Variants in ZNF480 observed in about 807,000 individuals in gnomAD.
The protein encoded by ZNF480 is zinc finger protein 480.
In ZNF480, 15 loss-of-function variants were observed where a neutral mutation model predicts 14.4. That is an observed-to-expected ratio of 1.04 (90% CI 0.70 to 1.60). ZNF480 has a LOEUF of 1.60. ZNF480 is among the 40% of genes most tolerant of loss of function. The pLI, the probability that ZNF480 is intolerant of heterozygous loss-of-function variation, is 0.00. For synonymous variants in ZNF480, 218 were observed against 215.5 expected (o/e 1.01, Z -0.10); for missense variants, 593 against 629.7 (o/e 0.94, Z 0.62).
chr19:52,313,539 T>C (rs1297050638), intron 2 of ZNF480, among the ~76,000 whole-genome samples: 1 of 152,070 alleles, frequency 6.6e-6, no homozygotes, highest in Admixed American at 6.6e-5. Flanking sequence ...TCAGATCAGG[T>C]AGATACTGAA....
chr19:52,304,927 TCTCTACTA>T (rs1982857655), intron 2 of ZNF480, among the ~76,000 whole-genome samples: 1 of 151,812 alleles, frequency 6.6e-6, no homozygotes. Flanking sequence ...TGAAACCCCG[TCTCTACTA>T]AAAATACAAA....
chr19:52,308,249 A>T (rs926652289), intron 2 of ZNF480, among the ~76,000 whole-genome samples: 2 of 151,572 alleles, frequency 1.3e-5, no homozygotes, highest in South Asian at 2.1e-4. Context: ...ACAAGCACCT[A>T]GTAAATTCTA....
chr19:52,322,213 T>C lies in ZNF480; in HGVS notation c.963T>C (p.Gly321=). Residue 321 remains glycine, a synonymous_variant, in exon 5 of 5, where the codon GGT becomes GGC. Coordinates refer to ENST00000595962, the MANE Select transcript of ZNF480 (RefSeq NM_144684.4). ...AACCTTACAAATGTAATGAATGTGG[T>C]AAAGGCTTCAGTCATAAGTCATCTC... is the stretch of plus-strand genomic sequence containing the variant. The part of the protein sequence containing the change: ...EEKPYKCNEC[G]KGFSHKSSLA... 6.2e-7 allele frequency: 1 copy of C among 1,613,886 alleles called. No individual in the cohort carries two copies. Among genetic ancestry groups the C allele is most frequent in the Non-Finnish European group, 8.5e-7 (1 of 1,179,958 alleles).
chr19:52,322,786 A>T lies in ZNF480; in HGVS notation c.1536A>T (p.Lys512Asn). 1 of 1,612,800 alleles carries T rather than the reference A, an allele frequency of 6.2e-7. No individual in the cohort carries two copies. The highest frequency in any genetic ancestry group is 8.5e-7 in the Non-Finnish European group (1 of 1,178,988). Residue 512 changes from lysine (K) to asparagine (N), a missense_variant, in exon 5 of 5, where the codon AAA becomes AAT. By Grantham distance (94) the Lys-to-Asn change is moderately conservative (BLOSUM62 0). Transcript: ENST00000595962. ...TTCATACTGGAGAGAAACCTTACAA[A>T]TGTAATGAGTGTGGCAAGGCCTTTA... ...RKIHTGEKPY[K>N]CNECGKAFSR...
rs60910720 is a variant in ZNF480, at chr19:52,310,844, CA to C, written c.73-3298del. 2.9e-3 allele frequency among the ~76,000 whole-genome samples: 414 copies of C among 142,136 alleles called. 1 individual carries two copies. Among genetic ancestry groups the C allele is most frequent in the Middle Eastern group, 3.6e-3 (1 of 274 alleles). The allele number at this position is 142,136 out of a possible 152,430, so 93.2% of individuals were successfully genotyped here. On this transcript the variant is annotated intron_variant, in intron 2 of 4. Coordinates refer to ENST00000595962, the MANE Select transcript of ZNF480 (RefSeq NM_144684.4). The stretch of plus-strand genomic sequence containing the variant: ...TGAAACCCTGTCTCTACTAAAAATA[CA>C]AAAAAAAAAATTAGCCGGGCATGGT...
chr19:52,313,788 G>T, intron 2 of ZNF480: 1 of 444,334 alleles, frequency 2.3e-6, no homozygotes, highest in Admixed American at 2.4e-5. Context: ...AGACCAGCCT[G>T]GCCAACGTGG....
intron 2 of ZNF480, among the ~76,000 whole-genome samples, chr19:52,304,955 CG>C (rs1982859499): frequency 6.6e-6 from 1 of 151,804 alleles, no homozygotes; most frequent in African/African-American, 2.4e-5. Context: ...AAAAATTAGC[CG>C]GGCATGGTGG....
Position 52,314,246 on chromosome 19 carries a change from A to G in ZNF480, c.166A>G (p.Met56Val), listed in dbSNP as rs149239088. The G allele has an allele frequency of 2.5e-5, 39 of 1,576,290 alleles. No homozygotes were observed. The African/African-American group carries it at 5.2e-4, about 21-fold the overall frequency. ...PAQRALYKDV[M>V]LENYRNLVSL... ...ACAGAGGGCTTTATACAAGGATGTGATGTTGGAGAACTACAGGAACCTGGT... is the reference window on the plus strand; with the variant it reads ...ACAGAGGGCTTTATACAAGGATGTGGTGTTGGAGAACTACAGGAACCTGGT... The change falls in exon 3 of 5, where the codon ATG becomes GTG. Residue 56 changes from methionine (M) to valine (V), a missense_variant. By Grantham distance (21) the Met-to-Val change is conservative. Transcript: ENST00000595962.
rs199930690 is a variant in ZNF480, at chr19:52,322,218, G to T, written c.968G>T (p.Gly323Val). 1 of 1,613,538 alleles carries T rather than the reference G, an allele frequency of 6.2e-7. No individual in the cohort carries two copies. Among genetic ancestry groups the T allele is most frequent in the East Asian group, 2.2e-5 (1 of 44,784 alleles). ...TACAAATGTAATGAATGTGGTAAAG[G>T]CTTCAGTCATAAGTCATCTCTAGCA... is the stretch of plus-strand genomic sequence containing the variant. The part of the protein sequence containing the change: ...KPYKCNECGK[G>V]FSHKSSLANH... The change falls in exon 5 of 5, where the codon GGC becomes GTC. Residue 323 changes from glycine to valine, a missense_variant. By Grantham distance (109) the Gly-to-Val change is moderately radical (BLOSUM62 -3). Coordinates refer to ENST00000595962, the MANE Select transcript of ZNF480 (RefSeq NM_144684.4).
At chr19:52,313,962 G>C in intron 2 of ZNF480, 191 bp from the exon 3 acceptor site, 2 of 490,516 alleles carry the variant, frequency 4.1e-6, no homozygotes, top group Non-Finnish European at 6.7e-6. Flanking sequence ...CTGGGCAACA[G>C]AGTAAGACTC....
At chr19:52,315,393 G>A (rs1274074770) in intron 3 of ZNF480, among the ~76,000 whole-genome samples, 1 of 151,334 alleles carries the variant, frequency 6.6e-6, no homozygotes, top group Non-Finnish European at 1.5e-5. Context: ...TTGGCTCACT[G>A]CAACCTCCGC....
At chr19:52,298,563 G>A (rs891405376) in intron 1 of ZNF480, among the ~76,000 whole-genome samples, 1 of 151,918 alleles carries the variant, frequency 6.6e-6, no homozygotes, top group African/African-American at 2.4e-5. Context: ...CCCGGGAGGC[G>A]GAGGTTGCAG....
Position 52,322,648 on chromosome 19 carries a change from C to T in ZNF480, c.1398C>T (p.His466=). 1 of 1,613,726 alleles carries T rather than the reference C, an allele frequency of 6.2e-7. No individual in the cohort carries two copies. The highest frequency in any genetic ancestry group is 1.1e-5 in the South Asian group (1 of 91,062). Residue 466 remains histidine, a synonymous_variant, in exon 5 of 5, where the codon CAC becomes CAT. Transcript: ENST00000595962. ...KCSECGKAFR[H]KLSLTNHQRI... ...GTGAATGTGGCAAGGCATTCAGACA[C>T]AAGTTATCACTAACCAATCATCAGA...
chr19:52,315,974 G>T lies in ZNF480; in HGVS notation c.328+12G>T. On this transcript the variant is annotated intron_variant, in intron 4 of 4. Coordinates refer to ENST00000595962, the MANE Select transcript of ZNF480 (RefSeq NM_144684.4). ...AGGTGTGAACACAGGTAAGAGCTCA[G>T]ATGGGCATGGTGGAAGCCATGCTGT... The T allele has an allele frequency of 6.3e-7, 1 of 1,594,420 alleles. No homozygotes were observed. Among genetic ancestry groups the T allele is most frequent in the Non-Finnish European group, 8.6e-7 (1 of 1,168,388 alleles).
Position 52,321,783 on chromosome 19 carries a change from T to C in ZNF480, c.533T>C (p.Ile178Thr), listed in dbSNP as rs1184963349. Residue 178 changes from isoleucine (I) to threonine (T), a missense_variant, in exon 5 of 5, where the codon ATT becomes ACT. Coordinates refer to ENST00000595962, the MANE Select transcript of ZNF480 (RefSeq NM_144684.4). The part of the protein sequence containing the change: ...QEMSSSVKTP[I>T]FNRNDFDDSS... ...ATGTCTTCCAGTGTCAAAACCCCCA[T>C]TTTTAATAGGAATGATTTTGATGAT... 7.4e-6 allele frequency: 12 copies of C among 1,613,580 alleles called. No individual in the cohort carries two copies. Among genetic ancestry groups the C allele is most frequent in the Non-Finnish European group, 1.0e-5 (12 of 1,179,738 alleles).
chr19:52,314,559 T>A (rs1332615134), intron 3 of ZNF480, among the ~76,000 whole-genome samples: 3 of 149,438 alleles, frequency 2.0e-5, no homozygotes, highest in Non-Finnish European at 4.4e-5. Flanking sequence ...ATCCCAGCAC[T>A]TTGGGAGGCC....
chr19:52,314,214 A>T lies in ZNF480; in HGVS notation c.134A>T (p.Asp45Val). The T allele has an allele frequency of 6.3e-7, 1 of 1,585,630 alleles. No homozygotes were observed. The highest frequency in any genetic ancestry group is 8.6e-7 in the Non-Finnish European group (1 of 1,161,988). The change falls in exon 3 of 5, where the codon GAC becomes GTC. Residue 45 changes from aspartate (D) to valine (V), a missense_variant. Transcript: ENST00000595962. ...TCTCAGGCGGAGTGGAAATGCCTGG[A>T]CCCTGCACAGAGGGCTTTATACAAG... Reference protein sequence around the residue: ...EFSQAEWKCLDPAQRALYKDV... With the variant: ...EFSQAEWKCLVPAQRALYKDV...
chr19:52,303,045 C>CT (rs1410666647), intron 2 of ZNF480, among the ~76,000 whole-genome samples: 1 of 152,194 alleles, frequency 6.6e-6, no homozygotes, highest in African/African-American at 2.4e-5. Flanking sequence ...GAAATCATAA[C>CT]TGAGCATTTT....
chr19:52,306,923 T>A (rs1982960283), intron 2 of ZNF480, among the ~76,000 whole-genome samples: 1 of 152,158 alleles, frequency 6.6e-6, no homozygotes, highest in Non-Finnish European at 1.5e-5. Context: ...GAGGCCACTC[T>A]TTTTCTTCAA....
Sources: allele counts gnomAD v4.1 joint callset (sites outside exome capture counted in the v4.1 genomes callset), GRCh38; gene constraint gnomAD v4.1.1; transcripts MANE v1.5; gene names NCBI Gene and HGNC (gene_info 2026-07-23, HGNC 2026-07-21).